Variants in TIMD4 observed in about 807,000 individuals in gnomAD.
TIMD4 encodes the protein T cell immunoglobulin and mucin domain containing 4.
A neutral mutation model predicts 41.2 loss-of-function variants in TIMD4; 31 were observed. The observed-to-expected ratio is 0.75, with a 90% confidence interval of 0.57 to 1.01. TIMD4 has a LOEUF of 1.01. Among genes scored for constraint, TIMD4 ranks in the 50% least tolerant of loss-of-function variants. TIMD4 has a pLI of 0.00. For synonymous variants in TIMD4, 204 were observed against 177.1 expected (o/e 1.15, Z -1.21); for missense variants, 479 against 472.5 (o/e 1.01, Z -0.13).
At chr5:156,924,437 T>C in intron 6 of TIMD4, 1 of 482,228 alleles carries the variant, frequency 2.1e-6, no homozygotes. Context: ...AAAATGCACC[T>C]GCTGGATTTT....
At chr5:156,927,585 C>T (rs532705839) in intron 5 of TIMD4, among the ~76,000 whole-genome samples, 1 of 152,114 alleles carries the variant, frequency 6.6e-6, no homozygotes, top group East Asian at 1.9e-4. Flanking sequence ...AGGGAAGAGC[C>T]AAGAAGAGAG....
chr5:156,933,465 C>G (rs577364940), intron 5 of TIMD4, among the ~76,000 whole-genome samples: 1 of 150,788 alleles, frequency 6.6e-6, no homozygotes, highest in South Asian at 2.1e-4. Context: ...CAACCCCCCC[C>G]CAAAAAAAGC....
In TIMD4 at chr5:156,951,575, G is replaced by T. The variant is rs200193278; in HGVS notation, c.616C>A (p.Pro206Thr). Residue 206 changes from proline (P) to threonine (T), a missense_variant, in exon 3 of 9, where the codon CCG (proline) becomes ACG (threonine). By Grantham distance (38) the Pro-to-Thr change is conservative. Transcript: ENST00000274532. Reference protein sequence around the residue: ...TCLSLTPSTLPEEATGLLTPE... With the variant: ...TCLSLTPSTLTEEATGLLTPE... ...GTCAGAAGACCTGTGGCTTCCTCCGGAAGGGTGCTTGGGGTTAGTGAAAGG... is the reference window on the plus strand; with the variant it reads ...GTCAGAAGACCTGTGGCTTCCTCCGTAAGGGTGCTTGGGGTTAGTGAAAGG... 128 of 1,614,070 alleles carry T rather than the reference G, an allele frequency of 7.9e-5. No homozygotes were observed. In the South Asian group the frequency reaches 9.1e-4, roughly 11 times the overall value.
chr5:156,921,379 G>C (rs1759234491), intron 7 of TIMD4, among the ~76,000 whole-genome samples: 1 of 151,918 alleles, frequency 6.6e-6, no homozygotes, highest in Non-Finnish European at 1.5e-5. Flanking sequence ...CCAGAGCTTT[G>C]GGAGGCTAAA....
rs1222167082 is a variant in TIMD4 at position 156,951,386 on chromosome 5, T to C, written c.679+126A>G. 3.3e-6 allele frequency: 4 copies of C among 1,214,346 alleles called. No homozygotes were observed. The African/African-American group carries it at 6.1e-5, about 18-fold the overall frequency. The allele number at this position is 1,214,346 out of a possible 1,614,324, so 75.2% of individuals were successfully genotyped here. A position where few individuals can be genotyped will look rare whatever the true frequency, so the allele number is the denominator to read the frequency against. Reference sequence around the variant, plus strand: ...GTCTGCGGTGTTTGTTTGATAGGCCTAGCAGACTAATATACGCATGTGTAC... The same window carrying C: ...GTCTGCGGTGTTTGTTTGATAGGCCCAGCAGACTAATATACGCATGTGTAC... On this transcript the variant is annotated intron_variant, in intron 3 of 8. Coordinates refer to ENST00000274532, the MANE Select transcript of TIMD4 (RefSeq NM_138379.3).
At chr5:156,944,147 T>TG (rs1307334564) in intron 5 of TIMD4, among the ~76,000 whole-genome samples, 1 of 152,184 alleles carries the variant, frequency 6.6e-6, no homozygotes, top group Non-Finnish European at 1.5e-5. Context: ...AGGTATGAGT[T>TG]TGTATCACTC....
chr5:156,952,631 G>T (rs1478116824), intron 2 of TIMD4, among the ~76,000 whole-genome samples: 1 of 152,130 alleles, frequency 6.6e-6, no homozygotes, highest in African/African-American at 2.4e-5. Flanking sequence ...CTGCAAGGAG[G>T]CCATGTAGAT....
chr5:156,943,372 T>A (rs1759680660), intron 5 of TIMD4, among the ~76,000 whole-genome samples: 1 of 152,132 alleles, frequency 6.6e-6, no homozygotes, highest in South Asian at 2.1e-4. Flanking sequence ...GAAACTGAGA[T>A]TCAGAAAAGG....
Position 156,919,499 on chromosome 5 carries a change from C to T in TIMD4, c.1095G>A (p.Val365=), listed in dbSNP as rs150560129. Residue 365 remains valine, a synonymous_variant, in exon 9 of 9, where the codon GTG becomes GTA. Coordinates refer to ENST00000274532, the MANE Select transcript of TIMD4 (RefSeq NM_138379.3). ...CGTCTTCGTCTTCCCTTCCATGCTG[C>T]ACGTCATTGAGGACATTTTTACTAT... ...IGDSKNVLND[V]QHGREDEDGL... 1 of 1,613,922 alleles carries T rather than the reference C, an allele frequency of 6.2e-7. No individual in the cohort carries two copies. The highest frequency in any genetic ancestry group is 1.3e-5 in the African/African-American group (1 of 74,904).
intron 5 of TIMD4, among the ~76,000 whole-genome samples, chr5:156,931,218 T>G (rs1759439836): frequency 1.3e-5 from 2 of 152,308 alleles, no homozygotes; most frequent in Non-Finnish European, 2.9e-5. Flanking sequence ...TGCCAACACC[T>G]TGATTTTAGA....
At chr5:156,945,884 A>G (rs1759729743) in intron 5 of TIMD4, among the ~76,000 whole-genome samples, 1 of 152,188 alleles carries the variant, frequency 6.6e-6, no homozygotes, top group African/African-American at 2.4e-5. Context: ...CGAGGGATTA[A>G]ATGAAGTGGC....
At chr5:156,950,003 A>C (rs1357068814) in intron 3 of TIMD4, among the ~76,000 whole-genome samples, 1 of 152,214 alleles carries the variant, frequency 6.6e-6, no homozygotes, top group East Asian at 1.9e-4. Context: ...TTTTAGTAAG[A>C]GATGGGGTTT....
chr5:156,931,122 G>A lies in TIMD4; in HGVS notation c.845-4810C>T, dbSNP rs552041160. ...CTGCTGACTTTGAGGATGAAGGAAGGAGTCACAAGCCAAGGAATGCCTCTA... is the reference window on the plus strand; with the variant it reads ...CTGCTGACTTTGAGGATGAAGGAAGAAGTCACAAGCCAAGGAATGCCTCTA... On this transcript the variant is annotated intron_variant, in intron 5 of 8. Transcript: ENST00000274532. Among the ~76,000 whole-genome samples the A allele has an allele frequency of 1.3e-4, 20 of 152,228 alleles. No homozygotes were observed. In the East Asian group the frequency reaches 3.5e-3, roughly 26 times the overall value.
chr5:156,938,249 A>C (rs1438321662), intron 5 of TIMD4, among the ~76,000 whole-genome samples: 5 of 152,150 alleles, frequency 3.3e-5, no homozygotes, highest in Admixed American at 2.0e-4. Context: ...CAATTTCCTT[A>C]TTTGTAAAAT....
Position 156,954,575 on chromosome 5 carries a change from C to T in TIMD4, c.240G>A (p.Lys80=), listed in dbSNP as rs1759932095. The T allele has an allele frequency of 1.2e-6, 2 of 1,614,156 alleles. No individual in the cohort carries two copies. Among genetic ancestry groups the T allele is most frequent in the Admixed American group, 1.7e-5 (1 of 60,008 alleles). The change falls in exon 2 of 9, where the codon AAG becomes AAA. Residue 80 remains lysine, a synonymous_variant. Transcript: ENST00000274532. ...TCCCCTGAAGTCTATATTTTGCTGA[C>T]TTTCTTGAGGTCACCCTCATTCCAT... ...RTDGMRVTSR[K]SAKYRLQGTI...
At chr5:156,943,486 C>G (rs949706434) in intron 5 of TIMD4, among the ~76,000 whole-genome samples, 5 of 152,158 alleles carry the variant, frequency 3.3e-5, no homozygotes, top group African/African-American at 1.2e-4. Context: ...TGACTCAACT[C>G]TTTCAACTCC....
Position 156,954,759 on chromosome 5 carries a change from G to A in TIMD4, c.59-3C>T. 6.3e-7 allele frequency: 1 copy of A among 1,594,402 alleles called. No individual in the cohort carries two copies. Among genetic ancestry groups the A allele is most frequent in the South Asian group, 1.1e-5 (1 of 88,278 alleles). On this transcript the variant is annotated splice_region_variant and splice_polypyrimidine_tract_variant and intron_variant, in intron 1 of 8. Coordinates refer to ENST00000274532, the MANE Select transcript of TIMD4 (RefSeq NM_138379.3). The stretch of plus-strand genomic sequence containing the variant: ...AACAGTCTCTGAAGTGACTGGTGCT[G>A]CAAGGAAAAATGCGAAATTTAGGTC...
Position 156,954,591 on chromosome 5 carries a change from C to T in TIMD4, c.224G>A (p.Arg75Lys), listed in dbSNP as rs1561554569. The change falls in exon 2 of 9, where the codon AGG (arginine) becomes AAG (lysine). Residue 75 changes from arginine to lysine, a missense_variant. Coordinates refer to ENST00000274532, the MANE Select transcript of TIMD4 (RefSeq NM_138379.3). Reference protein sequence around the residue: ...KEALIRTDGMRVTSRKSAKYR... With the variant: ...KEALIRTDGMKVTSRKSAKYR... Reference sequence around the variant, plus strand: ...TTTTGCTGACTTTCTTGAGGTCACCCTCATTCCATCAGTGCGGATGAGCGC... The same window carrying T: ...TTTTGCTGACTTTCTTGAGGTCACCTTCATTCCATCAGTGCGGATGAGCGC... The T allele has an allele frequency of 6.2e-7, 1 of 1,614,260 alleles. No individual in the cohort carries two copies. Among genetic ancestry groups the T allele is most frequent in the Non-Finnish European group, 8.5e-7 (1 of 1,180,046 alleles).
At chr5:156,928,052 T>A (rs1387848094) in intron 5 of TIMD4, among the ~76,000 whole-genome samples, 1 of 152,130 alleles carries the variant, frequency 6.6e-6, no homozygotes, top group Non-Finnish European at 1.5e-5. Context: ...ATGCCTGTAA[T>A]CCCAGCACTT....
Sources: allele counts gnomAD v4.1 joint callset (sites outside exome capture counted in the v4.1 genomes callset), GRCh38; gene constraint gnomAD v4.1.1; transcripts MANE v1.5; gene names NCBI Gene and HGNC (gene_info 2026-07-23, HGNC 2026-07-21).